Variants in SFMBT1 observed in about 807,000 individuals in gnomAD.
SFMBT1 encodes scm-like with four MBT domains protein 1.
Under a neutral mutation model 108.7 loss-of-function variants are expected in SFMBT1, and 32 were observed. That is an observed-to-expected ratio of 0.29 (90% CI 0.22 to 0.40). The LOEUF (loss-of-function observed/expected upper bound fraction) is 0.40, where lower values mean the gene tolerates loss of function less well. Among genes scored for constraint, SFMBT1 ranks in the 10% least tolerant of loss-of-function variants. SFMBT1 has a pLI of 1.00. For synonymous variants in SFMBT1, 348 were observed against 369.5 expected (o/e 0.94, Z 0.67); for missense variants, 816 against 1,059.6 (o/e 0.77, Z 3.19).
At chr3:52,930,101 C>T (rs1297284222) in intron 8 of SFMBT1, among the ~76,000 whole-genome samples, 1 of 152,198 alleles carries the variant, frequency 6.6e-6, no homozygotes, top group Non-Finnish European at 1.5e-5. Context: ...CCCTACTAGT[C>T]CAGTGCCCAG....
intron 1 of SFMBT1, among the ~76,000 whole-genome samples, chr3:53,023,574 C>A (rs1434286959): frequency 1.3e-5 from 2 of 152,188 alleles, no homozygotes. Context: ...CACATCTACC[C>A]TTCCAGACTC....
chr3:52,920,069 G>A (rs1429216726), intron 12 of SFMBT1, among the ~76,000 whole-genome samples: 8 of 152,216 alleles, frequency 5.3e-5, no homozygotes, highest in Admixed American at 5.2e-4. Context: ...TATGGACCAG[G>A]AAATGCACCC....
At chr3:52,926,346 CTTTCAAA>C (rs1466892573) in intron 9 of SFMBT1, among the ~76,000 whole-genome samples, 1 of 152,182 alleles carries the variant, frequency 6.6e-6, no homozygotes, top group African/African-American at 2.4e-5. Context: ...AATTTGTAAA[CTTTCAAA>C]TTTCAAACTA....
At chr3:53,038,251 C>T (rs868113600) in intron 1 of SFMBT1, among the ~76,000 whole-genome samples, 56 of 152,338 alleles carry the variant, frequency 3.7e-4, no homozygotes, top group African/African-American at 1.3e-3. Flanking sequence ...CCTCCCCTAA[C>T]CATTGACTTT....
intron 13 of SFMBT1, 39 bp downstream of exon 13, chr3:52,918,445 T>C (rs764370744): frequency 6.8e-7 from 1 of 1,478,578 alleles, no homozygotes; most frequent in Non-Finnish European, 9.1e-7. Context: ...TTTCTAGATA[T>C]TCTAACTTGT....
chr3:53,044,561 T>A (rs1700152133), intron 1 of SFMBT1, among the ~76,000 whole-genome samples: 1 of 152,212 alleles, frequency 6.6e-6, no homozygotes, highest in South Asian at 2.1e-4. Context: ...AGACACATCT[T>A]CCTTCATCCT....
chr3:53,033,452 C>T lies in SFMBT1; in HGVS notation c.-131+12364G>A, dbSNP rs13321579. Among the ~76,000 whole-genome samples the T allele has an allele frequency of 5.8e-3, 887 of 152,196 alleles. 34 individuals are homozygous for T. The highest frequency in any genetic ancestry group is 0.052 in the Admixed American group (789 of 15,264). ...CTGGGACTGCAGGTGTGAGCCGCCG[C>T]GCCCGGCCCAACATTTTTTTAATAC... On this transcript the variant is annotated intron_variant, in intron 1 of 20. Transcript: ENST00000394752.
chr3:53,015,185 G>C (rs1699083939), intron 1 of SFMBT1, among the ~76,000 whole-genome samples: 1 of 151,580 alleles, frequency 6.6e-6, no homozygotes, highest in Non-Finnish European at 1.5e-5. Flanking sequence ...CTCCAGCCTG[G>C]GTGACAGGTG....
intron 1 of SFMBT1, among the ~76,000 whole-genome samples, chr3:53,011,495 T>G (rs1698941249): frequency 6.6e-6 from 1 of 152,106 alleles, no homozygotes; most frequent in African/African-American, 2.4e-5. Context: ...CCAAGTGACA[T>G]ATACTCAGTT....
chr3:53,011,469 C>T (rs1698940830), intron 1 of SFMBT1, among the ~76,000 whole-genome samples: 1 of 152,092 alleles, frequency 6.6e-6, no homozygotes, highest in South Asian at 2.1e-4. Context: ...TTGAGGAGTG[C>T]TACATTTTAT....
At chr3:52,954,752 C>A (rs1703724569) in intron 2 of SFMBT1, among the ~76,000 whole-genome samples, 1 of 151,962 alleles carries the variant, frequency 6.6e-6, no homozygotes, top group African/African-American at 2.4e-5. Flanking sequence ...ATTCTAATGT[C>A]AAACATTGAA....
At chr3:52,985,410 C>T (rs536939238) in intron 1 of SFMBT1, among the ~76,000 whole-genome samples, 2 of 152,284 alleles carry the variant, frequency 1.3e-5, no homozygotes, top group South Asian at 4.1e-4. Context: ...TATGTATGTG[C>T]CTGGCACTTT....
At chr3:52,997,744 T>C (rs983493812) in intron 1 of SFMBT1, among the ~76,000 whole-genome samples, 15 of 150,328 alleles carry the variant, frequency 1.0e-4, no homozygotes, top group African/African-American at 2.7e-4. Flanking sequence ...TCAGGATGCA[T>C]TGTCTGTAAA....
intron 7 of SFMBT1, 47 bp from the exon 8 acceptor site, chr3:52,930,477 A>ACACTCACATAGTGAGT (rs752425671): frequency 2.0e-5 from 20 of 1,010,706 alleles, no homozygotes; most frequent in Non-Finnish European, 3.0e-5. Context: ...TATCTGTATC[A>ACACTCACATAGTGAGT]ATCTTACACT....
At position 53,000,949 on chromosome 3, in the gene SFMBT1, G is replaced by A. The variant is rs758799119; in HGVS notation, c.-130-31691C>T. On this transcript the variant is annotated intron_variant, in intron 1 of 20. Coordinates refer to ENST00000394752, the MANE Select transcript of SFMBT1 (RefSeq NM_016329.4). ...AAAAATATATGAAAAGAAGAAAGGG[G>A]TGTGGGTACAGATGAAACCGCATTG... Among the ~76,000 whole-genome samples the A allele has an allele frequency of 1.5e-4, 22 of 150,190 alleles. 4 individuals are homozygous for A. The highest frequency in any genetic ancestry group is 3.0e-4 in the Non-Finnish European group (20 of 67,042).
At chr3:52,963,285 G>A (rs1455329628) in intron 2 of SFMBT1, among the ~76,000 whole-genome samples, 2 of 151,918 alleles carry the variant, frequency 1.3e-5, no homozygotes, top group Non-Finnish European at 2.9e-5. Context: ...ATGACCCACC[G>A]CCCGGCCAAT....
At chr3:52,975,690 C>T (rs1322134931) in intron 1 of SFMBT1, among the ~76,000 whole-genome samples, 2 of 152,168 alleles carry the variant, frequency 1.3e-5, no homozygotes, top group African/African-American at 4.8e-5. Context: ...CAACCTCCAC[C>T]TCCCAGGCTC....
chr3:52,974,605 T>C (rs925932198), intron 1 of SFMBT1, among the ~76,000 whole-genome samples: 1 of 152,148 alleles, frequency 6.6e-6, no homozygotes, highest in Non-Finnish European at 1.5e-5. Flanking sequence ...CACTGCTACA[T>C]GTCTGACTAG....
At chr3:52,985,880 C>G (rs532032339) in intron 1 of SFMBT1, among the ~76,000 whole-genome samples, 1 of 152,208 alleles carries the variant, frequency 6.6e-6, no homozygotes, top group East Asian at 1.9e-4. Flanking sequence ...AGGTGGCTCA[C>G]GCCTGTAATC....
Sources: gnomAD v4.1 joint callset for allele counts (sites outside exome capture counted in the v4.1 genomes callset) on GRCh38, gnomAD v4.1.1 for gene constraint, MANE v1.5 for transcripts, NCBI Gene and HGNC (gene_info 2026-07-23, HGNC 2026-07-21) for gene names.